The following TMEM132C variants were observed in gnomAD, a reference collection of about 807,000 sequenced individuals.
The protein encoded by TMEM132C is protein phosphatase 1, regulatory subunit 152.
In TMEM132C, 29 loss-of-function variants were observed where a neutral mutation model predicts 61.4. The ratio of observed to expected loss-of-function variants is 0.47; its 90% CI spans 0.35 to 0.64. TMEM132C has a LOEUF of 0.64. Among genes scored for constraint, TMEM132C ranks in the 30% least tolerant of loss-of-function variants. The pLI is 0.00. For missense variants in TMEM132C, 1,408 were observed against 1,476.9 expected (o/e 0.95, Z 0.76); for synonymous variants, 656 against 633.1 (o/e 1.04, Z -0.54).
At chr12:128,485,215 T>C (rs1169686388) in intron 2 of TMEM132C, among the ~76,000 whole-genome samples, 1 of 152,176 alleles carries the variant, frequency 6.6e-6, no homozygotes, top group Non-Finnish European at 1.5e-5. Context: ...CCTGCTCTGT[T>C]GCCCAGGCTG....
intron 2 of TMEM132C, among the ~76,000 whole-genome samples, chr12:128,416,917 A>G (rs1868799282): frequency 1.3e-5 from 2 of 152,154 alleles, no homozygotes; most frequent in East Asian, 3.9e-4. Context: ...GATTTACTGT[A>G]CAAGGGATTC....
intron 1 of TMEM132C, among the ~76,000 whole-genome samples, chr12:128,324,425 C>A (rs1444421074): frequency 2.6e-5 from 4 of 152,164 alleles, no homozygotes; most frequent in Non-Finnish European, 2.9e-5. Context: ...TGCTGACTCT[C>A]CACGTCCATG....
At chr12:128,594,413 T>A (rs1315774128) in intron 3 of TMEM132C, among the ~76,000 whole-genome samples, 1 of 149,090 alleles carries the variant, frequency 6.7e-6, no homozygotes, top group African/African-American at 2.5e-5. Flanking sequence ...CATGGGGTCT[T>A]TGTTTTGTGG....
intron 1 of TMEM132C, among the ~76,000 whole-genome samples, chr12:128,379,784 C>T (rs1874342981): frequency 6.6e-6 from 1 of 152,322 alleles, no homozygotes; most frequent in East Asian, 1.9e-4. Context: ...TTTGCATGTT[C>T]TGGGGCTTGG....
chr12:128,417,285 G>T (rs1324716888), intron 2 of TMEM132C, among the ~76,000 whole-genome samples: 1 of 152,102 alleles, frequency 6.6e-6, no homozygotes, highest in Non-Finnish European at 1.5e-5. Flanking sequence ...ATTTTAGAGT[G>T]ATCATCTTCC....
At chr12:128,633,906 G>C (rs1387077837) in intron 4 of TMEM132C, among the ~76,000 whole-genome samples, 3 of 152,080 alleles carry the variant, frequency 2.0e-5, no homozygotes, top group African/African-American at 4.8e-5. Context: ...AAGAGCCAAG[G>C]GCAGATGTCA....
At chr12:128,567,893 G>A (rs975267150) in intron 3 of TMEM132C, among the ~76,000 whole-genome samples, 3 of 152,334 alleles carry the variant, frequency 2.0e-5, no homozygotes, top group Admixed American at 6.5e-5. Context: ...GTGCTGATTC[G>A]ATTTGCTAAG....
intron 2 of TMEM132C, among the ~76,000 whole-genome samples, chr12:128,430,534 C>T (rs1203238110): frequency 6.6e-6 from 1 of 152,126 alleles, no homozygotes; most frequent in East Asian, 1.9e-4. Context: ...ATTATACAGG[C>T]ATATGTTGTT....
chr12:128,595,135 A>G (rs1323842412), intron 3 of TMEM132C, among the ~76,000 whole-genome samples: 4 of 152,038 alleles, frequency 2.6e-5, no homozygotes, highest in Non-Finnish European at 5.9e-5. Flanking sequence ...TTGATCCTCC[A>G]TTTATTTTTC....
At chr12:128,456,860 A>G (rs555868966) in intron 2 of TMEM132C, among the ~76,000 whole-genome samples, 2 of 152,234 alleles carry the variant, frequency 1.3e-5, no homozygotes, top group East Asian at 3.9e-4. Flanking sequence ...GATTTCTATC[A>G]CCATGGTTGA....
chr12:128,430,081 G>A (rs373417467), intron 2 of TMEM132C, among the ~76,000 whole-genome samples: 2 of 152,120 alleles, frequency 1.3e-5, no homozygotes, highest in African/African-American at 4.8e-5. Flanking sequence ...GTAACCCAGC[G>A]AGCTACAGAG....
chr12:128,577,316 T>G (rs1464829163), intron 3 of TMEM132C, among the ~76,000 whole-genome samples: 2 of 152,240 alleles, frequency 1.3e-5, no homozygotes, highest in African/African-American at 4.8e-5. Flanking sequence ...CAGGGACCTG[T>G]GCTCTTAGTC....
intron 1 of TMEM132C, among the ~76,000 whole-genome samples, chr12:128,393,743 A>T (rs1451835193): frequency 6.6e-6 from 1 of 152,148 alleles, no homozygotes; most frequent in Admixed American, 6.5e-5. Flanking sequence ...TTCTTGCCTC[A>T]TGGTCACAAA....
chr12:128,543,355 G>A (rs1164335590), intron 2 of TMEM132C, among the ~76,000 whole-genome samples: 1 of 152,176 alleles, frequency 6.6e-6, no homozygotes, highest in Admixed American at 6.5e-5. Flanking sequence ...TTACAGAGGA[G>A]GGAGGTGAGG....
intron 1 of TMEM132C, among the ~76,000 whole-genome samples, chr12:128,354,632 C>G (rs1166054553): frequency 6.6e-6 from 1 of 152,072 alleles, no homozygotes; most frequent in Non-Finnish European, 1.5e-5. Context: ...AGAAGGAGGA[C>G]TCAGGAAGAA....
intron 1 of TMEM132C, among the ~76,000 whole-genome samples, chr12:128,332,012 G>A (rs549354429): frequency 1.4e-3 from 214 of 152,246 alleles, no homozygotes; most frequent in African/African-American, 4.6e-3. Flanking sequence ...TCAAGCTCAA[G>A]CCCTGATGAC....
chr12:128,370,282 G>A (rs1873991354), intron 1 of TMEM132C, among the ~76,000 whole-genome samples: 2 of 152,140 alleles, frequency 1.3e-5, no homozygotes, highest in Admixed American at 6.5e-5. Context: ...ACAGTCATAG[G>A]TGTGTTAGAC....
At position 128,638,507 on chromosome 12, in the gene TMEM132C, G is replaced by A. The variant is rs533640339; in HGVS notation, c.1305+22172G>A. ...CTAAGTGCTTCATGTTCATTATTTC[G>A]TTTAATCCTCATAGCATCTGTTTCA... On this transcript the variant is annotated intron_variant, in intron 4 of 8. Transcript: ENST00000435159. 2.9e-4 allele frequency among the ~76,000 whole-genome samples: 44 copies of A among 152,188 alleles called. 1 individual carries two copies. The highest frequency in any genetic ancestry group is 9.2e-4 in the African/African-American group (38 of 41,510).
At chr12:128,529,017 C>G (rs1279055156) in intron 2 of TMEM132C, among the ~76,000 whole-genome samples, 3 of 152,156 alleles carry the variant, frequency 2.0e-5, no homozygotes, top group Non-Finnish European at 1.5e-5. Flanking sequence ...CACAGTCATT[C>G]CAAATTGGTG....
Sources: gnomAD v4.1 joint callset for allele counts (sites outside exome capture counted in the v4.1 genomes callset) on GRCh38, gnomAD v4.1.1 for gene constraint, MANE v1.5 for transcripts, NCBI Gene and HGNC (gene_info 2026-07-23, HGNC 2026-07-21) for gene names.